Variants in ADAMTSL1 observed in about 807,000 individuals in gnomAD.
The protein encoded by ADAMTSL1 is ADAMTS like 1, also known as ADAMTS-like protein 1.
ADAMTSL1 carries 126 observed loss-of-function variants against 201.8 expected under a neutral mutation model. The ratio of observed to expected loss-of-function variants is 0.62; its 90% CI spans 0.54 to 0.72. ADAMTSL1 has a LOEUF of 0.72. Ranked by LOEUF, ADAMTSL1 falls within the 30% of genes least tolerant of loss-of-function variation. The pLI is 0.00. For synonymous variants in ADAMTSL1, 1,121 were observed against 903.4 expected (o/e 1.24, Z -4.32); for missense variants, 2,679 against 2,277.8 (o/e 1.18, Z -3.59).
chr9:18,091,892 C>T (rs562956632), intron 1 of ADAMTSL1, among the ~76,000 whole-genome samples: 10 of 152,028 alleles, frequency 6.6e-5, no homozygotes, highest in African/African-American at 9.6e-5. Flanking sequence ...AATTAGTGAA[C>T]GCTAGAGAGG....
At chr9:18,587,227 G>T (rs1295005889) in intron 4 of ADAMTSL1, among the ~76,000 whole-genome samples, 1 of 152,080 alleles carries the variant, frequency 6.6e-6, no homozygotes, top group Non-Finnish European at 1.5e-5. Flanking sequence ...TATCCAGCAT[G>T]TATAAGGAAC....
intron 1 of ADAMTSL1, among the ~76,000 whole-genome samples, chr9:18,075,450 C>T (rs1398655513): frequency 6.9e-6 from 1 of 145,272 alleles, no homozygotes; most frequent in Non-Finnish European, 1.5e-5. Context: ...TCCCACCCTT[C>T]TGAAGCTGTG....
At chr9:18,502,678 G>T (rs115291912) in intron 1 of ADAMTSL1, among the ~76,000 whole-genome samples, 1 of 152,058 alleles carries the variant, frequency 6.6e-6, no homozygotes, top group Admixed American at 6.6e-5. Context: ...AGGTGGCTCC[G>T]TTATCCATGC....
intron 1 of ADAMTSL1, among the ~76,000 whole-genome samples, chr9:17,926,052 C>G (rs1016058983): frequency 3.3e-5 from 5 of 152,042 alleles, no homozygotes; most frequent in African/African-American, 1.2e-4. Context: ...ACCAGCCAAA[C>G]AAAATACCTG....
At chr9:18,356,582 G>GCAGCTA (rs1563909179) in intron 2 of ADAMTSL1, among the ~76,000 whole-genome samples, 1 of 129,024 alleles carries the variant, frequency 7.8e-6, no homozygotes, top group Admixed American at 7.9e-5. Context: ...AAAATTTTAT[G>GCAGCTA]CAGCTACTCA....
intron 1 of ADAMTSL1, among the ~76,000 whole-genome samples, chr9:18,156,306 A>G (rs1001951727): frequency 4.6e-5 from 7 of 152,016 alleles, no homozygotes; most frequent in Non-Finnish European, 7.4e-5. Flanking sequence ...AAAGGAGCCA[A>G]TGTAAACTAA....
At chr9:18,596,110 G>A (rs1260600812) in intron 4 of ADAMTSL1, among the ~76,000 whole-genome samples, 1 of 152,198 alleles carries the variant, frequency 6.6e-6, no homozygotes, top group African/African-American at 2.4e-5. Context: ...AAATTTTGTA[G>A]TTTAATATTT....
chr9:18,409,383 C>CAAAAAAAAAAAAAAAAAA (rs781106126), intron 2 of ADAMTSL1, among the ~76,000 whole-genome samples: 4 of 77,188 alleles, frequency 5.2e-5, no homozygotes, highest in African/African-American at 4.4e-5. Flanking sequence ...AACTCCGTCT[C>CAAAAAAAAAAAAAAAAAA]AAAAAAAAAA....
At chr9:18,825,837 C>T (rs1563833214) in intron 21 of ADAMTSL1, among the ~76,000 whole-genome samples, 1 of 152,010 alleles carries the variant, frequency 6.6e-6, no homozygotes, top group Non-Finnish European at 1.5e-5. Context: ...CCATCTCTTA[C>T]TCAACATTAT....
Position 18,283,953 on chromosome 9 carries a change from G to A in ADAMTSL1, c.207+119972G>A, listed in dbSNP as rs1369472111. 5.8e-5 allele frequency among the ~76,000 whole-genome samples: 7 copies of A among 120,552 alleles called. No homozygotes were observed. In the East Asian group the frequency reaches 1.1e-3, roughly 19 times the overall value. The allele number at this position is 120,552 out of a possible 152,430, so 79.1% of individuals were successfully genotyped here. A position where few individuals can be genotyped will look rare whatever the true frequency, so the allele number is the denominator to read the frequency against. The stretch of plus-strand genomic sequence containing the variant: ...AAAGAAGAAGAAGAAGAAGAAGGCT[G>A]GGTGTGGTGGCTCACACCTGTAATC... On this transcript the variant is annotated intron_variant, in intron 2 of 29. Transcript: ENST00000680146.
chr9:18,212,646 C>T (rs562007559), intron 2 of ADAMTSL1, among the ~76,000 whole-genome samples: 57 of 152,054 alleles, frequency 3.7e-4, no homozygotes, highest in African/African-American at 1.3e-3. Context: ...GATGTTGGGC[C>T]GTTGTAAAAA....
At chr9:17,948,999 A>G (rs1827623345) in intron 1 of ADAMTSL1, among the ~76,000 whole-genome samples, 1 of 152,212 alleles carries the variant, frequency 6.6e-6, no homozygotes, top group Admixed American at 6.5e-5. Flanking sequence ...GTTAAAAAAT[A>G]TCTGTATGAT....
At chr9:18,800,375 C>A (rs1341219620) in intron 20 of ADAMTSL1, among the ~76,000 whole-genome samples, 1 of 43,446 alleles carries the variant, frequency 2.3e-5, no homozygotes, top group Non-Finnish European at 3.5e-5. Context: ...AAAACTCCAT[C>A]TCAAAAAAAA....
At chr9:18,311,436 A>G (rs1834153105) in intron 2 of ADAMTSL1, among the ~76,000 whole-genome samples, 1 of 152,128 alleles carries the variant, frequency 6.6e-6, no homozygotes, top group Non-Finnish European at 1.5e-5. Flanking sequence ...TAGCACGTCA[A>G]TGTGTTTTCC....
In ADAMTSL1 at chr9:18,374,897, C is replaced by G. The variant is rs73432605; in HGVS notation, c.208-129932C>G. Among the ~76,000 whole-genome samples the G allele has an allele frequency of 8.1e-3, 1,228 of 152,286 alleles. 20 individuals carry two copies. The highest frequency in any genetic ancestry group is 0.028 in the African/African-American group (1,146 of 41,560). On this transcript the variant is annotated intron_variant, in intron 2 of 29. Coordinates refer to the ADAMTSL1 transcript ENST00000680146. Reference sequence around the variant, plus strand: ...ATGTTCAACTGCTGGGGGATTATCCCCCTTGGATGAATGGAGCTGACAATG... The same window carrying G: ...ATGTTCAACTGCTGGGGGATTATCCGCCTTGGATGAATGGAGCTGACAATG...
At chr9:18,523,842 T>C (rs1468624513) in intron 2 of ADAMTSL1, among the ~76,000 whole-genome samples, 1 of 138,438 alleles carries the variant, frequency 7.2e-6, no homozygotes, top group East Asian at 2.1e-4. Context: ...TTGGTTACTG[T>C]AGCCTTGCAG....
chr9:18,056,741 GGGGTAA>G (rs1276751521), intron 1 of ADAMTSL1, among the ~76,000 whole-genome samples: 8 of 152,106 alleles, frequency 5.3e-5, no homozygotes, highest in Non-Finnish European at 8.8e-5. Flanking sequence ...GAACCTCAGT[GGGGTAA>G]CGTCCTGCTA....
intron 13 of ADAMTSL1, among the ~76,000 whole-genome samples, chr9:18,686,207 C>T (rs1830829448): frequency 6.6e-6 from 1 of 152,176 alleles, no homozygotes; most frequent in African/African-American, 2.4e-5. Flanking sequence ...AGGCGTGAGC[C>T]ACAGCGCCTG....
At chr9:18,541,610 A>G (rs1211887609) in intron 3 of ADAMTSL1, among the ~76,000 whole-genome samples, 2 of 152,184 alleles carry the variant, frequency 1.3e-5, no homozygotes. Flanking sequence ...GAGGACTTAA[A>G]GCAGTGTTAT....
Sources: gnomAD v4.1 joint callset for allele counts (sites outside exome capture counted in the v4.1 genomes callset) on GRCh38, gnomAD v4.1.1 for gene constraint, MANE v1.5 for transcripts, NCBI Gene and HGNC (gene_info 2026-07-23, HGNC 2026-07-21) for gene names.